ECM2: variants seen among roughly 807,000 people sequenced by gnomAD.
The protein encoded by ECM2 is extracellular matrix protein 2.
In ECM2, 57 loss-of-function variants were observed where a neutral mutation model predicts 67.5. That is an observed-to-expected ratio of 0.84 (90% CI 0.68 to 1.05). ECM2 has a LOEUF of 1.05. Among genes scored for constraint, ECM2 ranks in the 50% least tolerant of loss-of-function variants. The pLI is 0.00. For synonymous variants in ECM2, 258 were observed against 294.5 expected, an observed-to-expected ratio of 0.88 and a Z score of 1.27; for missense variants, 741 against 822.8, an observed-to-expected ratio of 0.90 and a Z score of 1.22.
chr9:92,552,008 A>G, the ECM2 span, among the ~76,000 whole-genome samples: 1 of 146,174 alleles, frequency 6.8e-6, no homozygotes, highest in Non-Finnish European at 1.5e-5. Context: ...ATATGTGTAT[A>G]TATATGATAT....
intron 4 of ECM2, among the ~76,000 whole-genome samples, chr9:92,513,476 C>A (rs1318070394): frequency 1.3e-5 from 2 of 152,138 alleles, no homozygotes; most frequent in African/African-American, 4.8e-5. Flanking sequence ...ACACTTAGGT[C>A]CACACAAACA....
chr9:92,541,538 A>ATT (rs1471878862), upstream of ECM2, among the ~76,000 whole-genome samples: 1 of 148,470 alleles, frequency 6.7e-6, no homozygotes, highest in Non-Finnish European at 1.5e-5. Context: ...TTTGAGTTAG[A>ATT]TTTTTTTTTA....
intron 1 of ECM2, among the ~76,000 whole-genome samples, chr9:92,524,689 G>A (rs560486896): frequency 1.3e-5 from 2 of 152,164 alleles, no homozygotes; most frequent in Non-Finnish European, 2.9e-5. Context: ...CCAGTATGGA[G>A]GAGAAACTAA....
At chr9:92,496,515 G>C (rs760877072) in intron 9 of ECM2, 32 bp from the exon 10 acceptor site, 1 of 1,591,428 alleles carries the variant, frequency 6.3e-7, no homozygotes, top group South Asian at 1.2e-5. Context: ...AGTCACACAT[G>C]GTCCCAGTAA....
intron 1 of ECM2, among the ~76,000 whole-genome samples, chr9:92,532,034 A>ATTTTTTTTTTTTTT (rs58499748): frequency 1.0e-5 from 1 of 98,254 alleles, no homozygotes; most frequent in East Asian, 2.2e-4. Flanking sequence ...TTTTTATTTT[A>ATTTTTTTTTTTTTT]TTTTTTTTTT....
intron 3 of ECM2, chr9:92,517,442 G>T: frequency 5.0e-6 from 3 of 600,748 alleles, no homozygotes; most frequent in Non-Finnish European, 8.8e-6. Flanking sequence ...GTCAAATGTG[G>T]AATGTAATCT....
downstream of ECM2, among the ~76,000 whole-genome samples, chr9:92,494,624 T>C (rs1846266852): frequency 6.6e-6 from 1 of 152,150 alleles, no homozygotes; most frequent in Admixed American, 6.5e-5. Context: ...ATGGAATAAG[T>C]CTTGCCTGGT....
At chr9:92,512,399 C>T (rs1034192305) in intron 4 of ECM2, among the ~76,000 whole-genome samples, 1 of 152,158 alleles carries the variant, frequency 6.6e-6, no homozygotes, top group African/African-American at 2.4e-5. Flanking sequence ...TTAACACAGC[C>T]AGAATGTGGT....
chr9:92,554,769 C>T, the ECM2 span, among the ~76,000 whole-genome samples: 1 of 152,134 alleles, frequency 6.6e-6, no homozygotes, highest in African/African-American at 2.4e-5. Context: ...TCCCAAATAG[C>T]TGAGACTACA....
intron 3 of ECM2, among the ~76,000 whole-genome samples, chr9:92,515,980 A>G (rs1847679098): frequency 6.6e-6 from 1 of 151,904 alleles, no homozygotes; most frequent in South Asian, 2.1e-4. Flanking sequence ...CTTTGGCAGA[A>G]AGTGGGGAAG....
rs755690008 is a variant in ECM2, at chr9:92,510,016, G to A, written c.1189C>T (p.Arg397Cys). The change falls in exon 6 of 10, where the codon CGT becomes TGT. Residue 397 changes from arginine (R) to cysteine (C), a missense_variant. By Grantham distance (180) the Arg-to-Cys change is radical. Transcript: ENST00000344604. ...KAFKLLKKLM[R>C]LNMDGNNLIQ... ...AAATTATTTCCATCCATATTCAAAC[G>A]CATTAACTTCTTCAGAAGCTTAAAA... 11 of 1,599,642 alleles carry A rather than the reference G, an allele frequency of 6.9e-6. No homozygotes were observed. The Admixed American group carries it at 7.3e-5, about 11-fold the overall frequency.
Position 92,500,866 on chromosome 9 carries a change from T to G in ECM2, c.1792A>C (p.Met598Leu). The change falls in exon 9 of 10, where the codon ATG (methionine) becomes CTG (leucine). Residue 598 changes from methionine to leucine, a missense_variant. Physicochemically the swap from Met to Leu is conservative, Grantham distance 15. Coordinates refer to ENST00000344604, the MANE Select transcript of ECM2 (RefSeq NM_001393.4). Reference sequence around the variant, plus strand: ...GCCCCATAGAAGGAGACACGGTCCATGCCATCATCAGCAAGTTTGTTAAAT... The same window carrying G: ...GCCCCATAGAAGGAGACACGGTCCAGGCCATCATCAGCAAGTTTGTTAAAT... Reference protein sequence around the residue: ...LSFNKLADDGMDRVSFYGAYH... With the variant: ...LSFNKLADDGLDRVSFYGAYH... 1 of 1,614,210 alleles carries G rather than the reference T, an allele frequency of 6.2e-7. No individual in the cohort carries two copies. The highest frequency in any genetic ancestry group is 8.5e-7 in the Non-Finnish European group (1 of 1,180,040).
At chr9:92,550,992 T>G in the ECM2 span, among the ~76,000 whole-genome samples, 1 of 152,198 alleles carries the variant, frequency 6.6e-6, no homozygotes. Flanking sequence ...CAGTGTGGTC[T>G]GTCTTCAGGG....
intron 7 of ECM2, among the ~76,000 whole-genome samples, chr9:92,505,205 T>C (rs993790234): frequency 1.3e-5 from 2 of 152,204 alleles, no homozygotes; most frequent in African/African-American, 2.4e-5. Flanking sequence ...CATTTCTAGA[T>C]TGGGGCAGTT....
chr9:92,509,034 T>C (rs559247938), intron 6 of ECM2, among the ~76,000 whole-genome samples: 28 of 151,844 alleles, frequency 1.8e-4, no homozygotes, highest in African/African-American at 6.3e-4. Flanking sequence ...TAAAATGTGA[T>C]AAAGCCTCTT....
chr9:92,556,210 T>C, the ECM2 span, among the ~76,000 whole-genome samples: 1 of 152,226 alleles, frequency 6.6e-6, no homozygotes, highest in Non-Finnish European at 1.5e-5. Context: ...AGTTTCCTTT[T>C]GGAATTGATT....
chr9:92,554,259 C>T, the ECM2 span, among the ~76,000 whole-genome samples: 4 of 151,878 alleles, frequency 2.6e-5, no homozygotes, highest in African/African-American at 9.7e-5. Context: ...TCTTGGCTCA[C>T]TGCAACCTCT....
At chr9:92,530,751 C>A (rs1431453792) in intron 1 of ECM2, among the ~76,000 whole-genome samples, 1 of 152,000 alleles carries the variant, frequency 6.6e-6, no homozygotes, top group African/African-American at 2.4e-5. Context: ...GGTTTGTTAA[C>A]TGAGTATATT....
intron 9 of ECM2, among the ~76,000 whole-genome samples, chr9:92,498,408 C>T (rs929056625): frequency 6.6e-6 from 1 of 151,756 alleles, no homozygotes; most frequent in Non-Finnish European, 1.5e-5. Flanking sequence ...ATGTAACAAA[C>T]CTGCACGTTG....
Sources: gnomAD v4.1 joint callset for allele counts (sites outside exome capture counted in the v4.1 genomes callset) on GRCh38, gnomAD v4.1.1 for gene constraint, MANE v1.5 for transcripts, NCBI Gene and HGNC (gene_info 2026-07-23, HGNC 2026-07-21) for gene names.